The following PITPNM3 variants were observed in gnomAD, a reference collection of about 807,000 sequenced individuals.
PITPNM3 encodes PITPNM family member 3, also known as membrane-associated phosphatidylinositol transfer protein 3.
PITPNM3 carries 26 observed loss-of-function variants against 102.0 expected under a neutral mutation model. The observed-to-expected ratio is 0.25, with a 90% CI of 0.19 to 0.35. The LOEUF (loss-of-function observed/expected upper bound fraction) is 0.35. PITPNM3 is among the 10% of genes least tolerant of loss of function. The pLI is 1.00. For synonymous variants in PITPNM3, 578 were observed against 558.6 expected, an observed-to-expected ratio of 1.03 and a Z score of -0.49; for missense variants, 1,083 against 1,346.1, an observed-to-expected ratio of 0.80 and a Z score of 3.06.
At position 6,478,403 on chromosome 17, in the gene PITPNM3, C is replaced by T; in HGVS notation, c.777+144G>A. The T allele has an allele frequency of 1.8e-6, 2 of 1,086,686 alleles. No homozygotes were observed. Among genetic ancestry groups the T allele is most frequent in the Non-Finnish European group, 2.7e-6 (2 of 737,096 alleles). 67.3% of individuals were successfully genotyped at this position (1,086,686 alleles called of 1,614,324 possible). ...TTTCTATCTGTAAAATGAGGGCTAA[C>T]TCAGAGATCTCAAAAGCCACCTTTG... is the stretch of plus-strand genomic sequence containing the variant. On this transcript the variant is annotated intron_variant, in intron 7 of 19. Coordinates refer to ENST00000262483, the MANE Select transcript of PITPNM3 (RefSeq NM_031220.4). The surrounding 1 kb of genome is among the most constrained non-coding windows in gnomAD (Gnocchi z 4.4).
chr17:6,507,420 C>T (rs1194394224), intron 3 of PITPNM3, among the ~76,000 whole-genome samples: 2 of 142,306 alleles, frequency 1.4e-5, no homozygotes, highest in South Asian at 4.5e-4. Context: ...CCCGTCTCTA[C>T]TAAAAATACA....
chr17:6,525,990 CAGG>C (rs1439635363), intron 2 of PITPNM3, among the ~76,000 whole-genome samples: 3 of 152,284 alleles, frequency 2.0e-5, no homozygotes, highest in Non-Finnish European at 4.4e-5. Context: ...AACTCACCAC[CAGG>C]AGTTGAGTGG....
intron 3 of PITPNM3, among the ~76,000 whole-genome samples, chr17:6,519,181 C>CAAAAAAAAAA (rs1490830877): frequency 1.9e-4 from 14 of 72,394 alleles, no homozygotes; most frequent in African/African-American, 4.1e-4. Context: ...ACTAAAAATA[C>CAAAAAAAAAA]AAAAAATTAG....
intron 3 of PITPNM3, among the ~76,000 whole-genome samples, chr17:6,522,808 T>C (rs898312658): frequency 6.6e-6 from 1 of 152,134 alleles, no homozygotes; most frequent in Non-Finnish European, 1.5e-5. Flanking sequence ...CAGAGCCTTG[T>C]CCCAGCCTGC....
In PITPNM3 at chr17:6,478,442, A is replaced by T; in HGVS notation, c.777+105T>A. 1 of 1,420,808 alleles carries T rather than the reference A, an allele frequency of 7.0e-7. No homozygotes were observed. Among genetic ancestry groups the T allele is most frequent in the Non-Finnish European group, 9.8e-7 (1 of 1,024,824 alleles). The allele number at this position is 1,420,808 out of a possible 1,614,324, so 88.0% of individuals were successfully genotyped here. On this transcript the variant is annotated intron_variant, in intron 7 of 19. Transcript: ENST00000262483. The surrounding 1 kb of genome is among the most constrained non-coding windows in gnomAD (Gnocchi z 4.4). ...AAGCCACCTTTGGGCTCAGAGGCTG[A>T]TTCGAGAACAGCCTGGCCTTGGCCC...
intron 3 of PITPNM3, among the ~76,000 whole-genome samples, chr17:6,510,439 G>C (rs559191799): frequency 6.6e-6 from 1 of 152,110 alleles, no homozygotes; most frequent in African/African-American, 2.4e-5. Flanking sequence ...CAGCTCCAGC[G>C]CTACCTCCTC....
rs1913983054 is a variant in PITPNM3, at chr17:6,454,230, G to C, written c.*1108C>G. ...ACCTTTTGGCAGGAGAGGGAGGTGG[G>C]TTGTCCCTAGGACACCCAGTTTGAG... On this transcript the variant is annotated 3_prime_UTR_variant, in exon 20 of 20. Coordinates refer to ENST00000262483, the MANE Select transcript of PITPNM3 (RefSeq NM_031220.4). 1 of 152,206 alleles carries C rather than the reference G, an allele frequency of 6.6e-6. No individual in the cohort carries two copies. Among genetic ancestry groups the C allele is most frequent in the South Asian group, 2.1e-4 (1 of 4,830 alleles). 9.4% of individuals were successfully genotyped at this position (152,206 alleles called of 1,614,324 possible).
chr17:6,478,726 A>T lies in PITPNM3; in HGVS notation c.598T>A (p.Tyr200Asn), dbSNP rs1461281463. Residue 200 changes from tyrosine to asparagine, a missense_variant, in exon 7 of 20, where the codon TAC (tyrosine) becomes AAC (asparagine). Transcript: ENST00000262483. This position sits in a 1 kb window ranked among gnomAD's most constrained non-coding sequence, Gnocchi z 4.4. ...AFSLVSHLNP[Y>N]SHDEGCLSSS... is the part of the protein sequence containing the mutation. ...CTGAGGCAGCCCTCATCGTGGCTGT[A>T]GGGGTTCAGGCTGCAGACAGGGGGC... The T allele has an allele frequency of 6.3e-7, 1 of 1,576,426 alleles. No homozygotes were observed. The highest frequency in any genetic ancestry group is 2.3e-5 in the East Asian group (1 of 43,288).
In PITPNM3 at chr17:6,505,193, A is replaced by ATATAT. The variant is rs1198801942; in HGVS notation, c.227-1620_227-1619insATATA. On this transcript the variant is annotated intron_variant, in intron 3 of 19. Coordinates refer to ENST00000262483, the MANE Select transcript of PITPNM3 (RefSeq NM_031220.4). Reference sequence around the variant, plus strand: ...TCCGTCTCCAAAAAAGAAGACAAATAAAATATATATATATATATATATGTA... The same window carrying ATATAT: ...TCCGTCTCCAAAAAAGAAGACAAATATATATAAATATATATATATATATATATGTA... Among the ~76,000 whole-genome samples, 275 of 72,314 alleles carry ATATAT rather than the reference A, an allele frequency of 3.8e-3. 6 individuals carry two copies. The highest frequency in any genetic ancestry group is 0.012 in the African/African-American group (264 of 22,240). The allele number at this position is 72,314 out of a possible 152,430, so 47.4% of individuals were successfully genotyped here.
rs1416186461 is a variant in PITPNM3, at chr17:6,537,140, G to C, written c.118+847C>G. ...CTTCCTATGTCTCATGGGTTGGCCG[G>C]GAAGAGATGCAGAGGTCATTTCCCC... On this transcript the variant is annotated intron_variant, in intron 2 of 19. Transcript: ENST00000262483. This position sits in a 1 kb window ranked among gnomAD's most constrained non-coding sequence, Gnocchi z 4.4. 6.6e-6 allele frequency among the ~76,000 whole-genome samples: 1 copy of C among 152,054 alleles called. No individual in the cohort carries two copies. Among genetic ancestry groups the C allele is most frequent in the Non-Finnish European group, 1.5e-5 (1 of 68,010 alleles).
chr17:6,491,704 A>G (rs998604956), intron 4 of PITPNM3, among the ~76,000 whole-genome samples: 21 of 151,880 alleles, frequency 1.4e-4, no homozygotes, highest in Non-Finnish European at 2.5e-4. Context: ...AAAAGGAAAA[A>G]TGACAATCTA....
chr17:6,537,864 G>A lies in PITPNM3; in HGVS notation c.118+123C>T. ...GCACATCCACAGGATGGGTAAGTAT[G>A]GAGTGTGGAGCTGCAGATACCACGT... On this transcript the variant is annotated intron_variant, in intron 2 of 19. Coordinates refer to ENST00000262483, the MANE Select transcript of PITPNM3 (RefSeq NM_031220.4). The surrounding 1 kb of genome is among the most constrained non-coding windows in gnomAD (Gnocchi z 4.4). The A allele has an allele frequency of 1.2e-6, 1 of 813,272 alleles. No homozygotes were observed. Among genetic ancestry groups the A allele is most frequent in the African/African-American group, 1.7e-5 (1 of 59,092 alleles). The allele number at this position is 813,272 out of a possible 1,614,324, so 50.4% of individuals were successfully genotyped here.
At chr17:6,490,680 G>T (rs998259417) in intron 4 of PITPNM3, among the ~76,000 whole-genome samples, 1 of 152,002 alleles carries the variant, frequency 6.6e-6, no homozygotes, top group Non-Finnish European at 1.5e-5. Flanking sequence ...GTGGGGCCGG[G>T]CGCAGTGGCT....
Position 6,545,413 on chromosome 17 carries a change from G to A in PITPNM3, c.23-7331C>T, listed in dbSNP as rs149973387. 5.9e-3 allele frequency among the ~76,000 whole-genome samples: 895 copies of A among 152,204 alleles called. 16 individuals carry two copies. The highest frequency in any genetic ancestry group is 0.021 in the African/African-American group (863 of 41,532). ...GGAGCCTCGCCACTCCCCAAAGGCT[G>A]GAAATGCTTGCCCCTGCCCACGCTC... is the stretch of plus-strand genomic sequence containing the variant. On this transcript the variant is annotated intron_variant, in intron 1 of 19. Transcript: ENST00000262483.
chr17:6,535,499 C>A (rs1050582863), intron 2 of PITPNM3, among the ~76,000 whole-genome samples: 5 of 152,226 alleles, frequency 3.3e-5, no homozygotes, highest in African/African-American at 4.8e-5. Context: ...CTTAGGAATG[C>A]AGATGCTCTG....
intron 4 of PITPNM3, among the ~76,000 whole-genome samples, chr17:6,494,280 T>G (rs1906667334): frequency 6.6e-6 from 1 of 152,218 alleles, no homozygotes; most frequent in Non-Finnish European, 1.5e-5. Flanking sequence ...ATGGTCTCTT[T>G]GCTCTTACTA....
At chr17:6,507,943 G>A (rs991094475) in intron 3 of PITPNM3, among the ~76,000 whole-genome samples, 9 of 151,622 alleles carry the variant, frequency 5.9e-5, no homozygotes, top group African/African-American at 2.2e-4. Flanking sequence ...GAAAGTTGGG[G>A]AGGTGGGCAA....
intron 6 of PITPNM3, among the ~76,000 whole-genome samples, chr17:6,482,870 C>A (rs1018856711): frequency 6.6e-6 from 1 of 151,824 alleles, no homozygotes; most frequent in Non-Finnish European, 1.5e-5. Flanking sequence ...TGGCTGCAAT[C>A]GTGTGGCCGA....
At chr17:6,545,049 A>G (rs1909950161) in intron 1 of PITPNM3, among the ~76,000 whole-genome samples, 1 of 152,094 alleles carries the variant, frequency 6.6e-6, no homozygotes, top group African/African-American at 2.4e-5. Flanking sequence ...TCCTCCCTCG[A>G]GGAAACCACC....
Sources: gnomAD v4.1 joint callset for allele counts (sites outside exome capture counted in the v4.1 genomes callset) on GRCh38, gnomAD v4.1.1 for gene constraint, Gnocchi (gnomAD v3.1) non-coding constraint, MANE v1.5 for transcripts, NCBI Gene and HGNC (gene_info 2026-07-23, HGNC 2026-07-21) for gene names.